Variants in ABCC5 observed in about 807,000 individuals in gnomAD.
ABCC5 encodes the protein ATP-binding cassette sub-family C member 5.
In ABCC5, 61 loss-of-function variants were observed where a neutral mutation model predicts 160.9. The ratio of observed to expected loss-of-function variants is 0.38; its 90% CI spans 0.31 to 0.47. ABCC5 has a LOEUF of 0.47. Among genes scored for constraint, ABCC5 ranks in the 20% least tolerant of loss-of-function variants. The probability of loss-of-function intolerance (pLI) is 0.99; values close to 1 mark genes in which losing one functional copy is unlikely to be tolerated. For missense variants in ABCC5, 1,308 were observed against 1,813.3 expected (o/e 0.72, Z 5.06); for synonymous variants, 666 against 700.6 (o/e 0.95, Z 0.78).
At chr3:183,937,101 G>T (rs981209550) in intron 26 of ABCC5, among the ~76,000 whole-genome samples, 1 of 152,200 alleles carries the variant, frequency 6.6e-6, no homozygotes, top group Non-Finnish European at 1.5e-5. Flanking sequence ...TTTTGGCCAG[G>T]TGCAGTGGCT....
chr3:183,942,552 G>C (rs755605036), intron 25 of ABCC5, 175 bp downstream of exon 25: 2 of 789,276 alleles, frequency 2.5e-6, no homozygotes, highest in Admixed American at 2.0e-5. Flanking sequence ...ACTGTGAAAA[G>C]CACTCAATGT....
Position 183,937,913 on chromosome 3 carries a change from C to A in ABCC5, c.3842G>T (p.Ser1281Ile), listed in dbSNP as rs377607475. The change falls in exon 26 of 30, where the codon AGT (serine) becomes ATT (isoleucine). Residue 1281 changes from serine (S) to isoleucine (I), a missense_variant. Transcript: ENST00000334444. ...CTCAGGTCCTCACCTGACAGTGCCA[C>A]TGAACAGCACCGGCTCTTGAGGAAT... is the stretch of plus-strand genomic sequence containing the variant. ...SIIPQEPVLF[S>I]GTVRSNLDPF... is the part of the protein sequence containing the mutation. The A allele has an allele frequency of 2.0e-5, 33 of 1,614,054 alleles. No individual in the cohort carries two copies. Among genetic ancestry groups the A allele is most frequent in the Admixed American group, 1.2e-4 (7 of 60,004 alleles).
chr3:184,006,919 G>C (rs1264435195), intron 2 of ABCC5, among the ~76,000 whole-genome samples: 1 of 148,128 alleles, frequency 6.8e-6, no homozygotes, highest in Non-Finnish European at 1.5e-5. Context: ...TTGGTAGGAA[G>C]AAAATCCCAC....
At position 183,951,334 on chromosome 3, in the gene ABCC5, G is replaced by A. The variant is rs997390971; in HGVS notation, c.2944+107C>T. ...TGGTGAAAACACCAGCAGTCACTGT[G>A]CTCTCAGGATCTACAGACAGACAGA... On this transcript the variant is annotated intron_variant, in intron 20 of 29. Coordinates refer to ENST00000334444, the MANE Select transcript of ABCC5 (RefSeq NM_005688.4). This position sits in a 1 kb window ranked among gnomAD's most constrained non-coding sequence, Gnocchi z 4.7. 5 of 1,426,100 alleles carry A rather than the reference G, an allele frequency of 3.5e-6. No individual in the cohort carries two copies. Among genetic ancestry groups the A allele is most frequent in the Admixed American group, 4.4e-5 (2 of 45,010 alleles). The allele number at this position is 1,426,100 out of a possible 1,614,324, so 88.3% of individuals were successfully genotyped here. A position where few individuals can be genotyped will look rare whatever the true frequency, so the allele number is the denominator to read the frequency against.
intron 15 of ABCC5, among the ~76,000 whole-genome samples, chr3:183,962,912 C>T (rs1716903051): frequency 6.6e-6 from 1 of 152,188 alleles, no homozygotes; most frequent in South Asian, 2.1e-4. Flanking sequence ...CACAAATATA[C>T]ATAATTATGA....
In ABCC5 at chr3:183,978,589, C is replaced by T; in HGVS notation, c.1210G>A (p.Gly404Ser). The change falls in exon 9 of 30, where the codon GGT (glycine) becomes AGT (serine). Residue 404 changes from glycine (G) to serine (S), a missense_variant. This residue lies in a region of ABCC5 where 1,142 missense variants were observed against 1,527.1 expected (regional missense o/e 0.75). Coordinates refer to ENST00000334444, the MANE Select transcript of ABCC5 (RefSeq NM_005688.4). ...ATCACCACCACAATGGGAGCCACAC[C>T]CACAGTGATGCTCTGGAAGTACCCA... is the stretch of plus-strand genomic sequence containing the variant. Reference protein sequence around the residue: ...KAGYFQSITVGVAPIVVVIAS... With the variant: ...KAGYFQSITVSVAPIVVVIAS... 1 of 1,614,070 alleles carries T rather than the reference C, an allele frequency of 6.2e-7. No homozygotes were observed. Among genetic ancestry groups the T allele is most frequent in the South Asian group, 1.1e-5 (1 of 91,076 alleles).
chr3:183,923,421 G>A (rs921802021), intron 29 of ABCC5, among the ~76,000 whole-genome samples: 1 of 152,138 alleles, frequency 6.6e-6, no homozygotes, highest in Non-Finnish European at 1.5e-5. Flanking sequence ...TCAGAAGTTC[G>A]AGACCAGCCT....
At chr3:183,981,261 G>A (rs766168794) in intron 8 of ABCC5, among the ~76,000 whole-genome samples, 17 of 152,236 alleles carry the variant, frequency 1.1e-4, no homozygotes, top group South Asian at 2.1e-4. Flanking sequence ...GCACTTACAC[G>A]TTTGACAGAG....
intron 25 of ABCC5, chr3:183,942,521 T>C (rs1180564468): frequency 8.5e-6 from 6 of 705,526 alleles, no homozygotes; most frequent in South Asian, 4.5e-5. Flanking sequence ...GTGTTCTGCA[T>C]TGAGAATGTG....
In ABCC5 at chr3:183,971,471, A is replaced by G. The variant is rs1005812997; in HGVS notation, c.1761+92T>C. On this transcript the variant is annotated intron_variant, in intron 11 of 29. Transcript: ENST00000334444. ...TCAAAATCACTCCTAGCCACAAAGCACTTTGTGAAAAGGAACAGCAGCCGC... is the reference window on the plus strand; with the variant it reads ...TCAAAATCACTCCTAGCCACAAAGCGCTTTGTGAAAAGGAACAGCAGCCGC... 7 of 1,217,670 alleles carry G rather than the reference A, an allele frequency of 5.7e-6. No individual in the cohort carries two copies. The Admixed American group carries it at 1.4e-4, about 25-fold the overall frequency. 75.4% of individuals were successfully genotyped at this position (1,217,670 alleles called of 1,614,324 possible).
In ABCC5 at chr3:183,985,616, T is replaced by G. The variant is rs900180813; in HGVS notation, c.591+2154A>C. The G allele has an allele frequency of 6.7e-6, 4 of 594,438 alleles. No homozygotes were observed. The African/African-American group carries it at 7.3e-5, about 11-fold the overall frequency. The allele number at this position is 594,438 out of a possible 1,614,324, so 36.8% of individuals were successfully genotyped here. A position where few individuals can be genotyped will look rare whatever the true frequency, so the allele number is the denominator to read the frequency against. ...AGATCTACAGTGCGATGCTAATTCT[T>G]TATACACAGATCATAGGTGAGGCCT... On this transcript the variant is annotated intron_variant, in intron 5 of 29. Transcript: ENST00000334444.
chr3:183,990,347 C>T (rs1292141631), intron 2 of ABCC5, among the ~76,000 whole-genome samples: 3 of 152,206 alleles, frequency 2.0e-5, no homozygotes, highest in South Asian at 2.1e-4. Context: ...CCTCGTGATC[C>T]GCCCACCTCA....
At chr3:183,966,276 G>A (rs918316398) in intron 12 of ABCC5, among the ~76,000 whole-genome samples, 6 of 152,164 alleles carry the variant, frequency 3.9e-5, no homozygotes, top group African/African-American at 1.2e-4. Flanking sequence ...GTGTACCTAC[G>A]TACACCACAA....
At chr3:184,004,999 C>G (rs572240792) in intron 2 of ABCC5, among the ~76,000 whole-genome samples, 1 of 152,294 alleles carries the variant, frequency 6.6e-6, no homozygotes, top group African/African-American at 2.4e-5. Flanking sequence ...CTGTCAGTGT[C>G]GTGGCGTCTC....
In ABCC5 at chr3:183,988,760, C is replaced by T. The variant is rs775264313; in HGVS notation, c.288-33G>A. ...GAGAAAACCGAAATCACAAAGCTAT[C>T]AACACGCACGGAGAGGGCAGCCCGT... On this transcript the variant is annotated intron_variant, in intron 3 of 29. Coordinates refer to ENST00000334444, the MANE Select transcript of ABCC5 (RefSeq NM_005688.4). This position sits in a 1 kb window ranked among gnomAD's most constrained non-coding sequence, Gnocchi z 4.4. 9.3e-6 allele frequency: 15 copies of T among 1,606,180 alleles called. No homozygotes were observed. In the South Asian group the frequency reaches 1.6e-4, roughly 17 times the overall value.
In ABCC5 at chr3:183,988,805, G is replaced by C. The variant is rs762210336; in HGVS notation, c.288-78C>G. 5.7e-5 allele frequency: 82 copies of C among 1,445,402 alleles called. No homozygotes were observed. Among genetic ancestry groups the C allele is most frequent in the Non-Finnish European group, 7.3e-5 (78 of 1,063,738 alleles). The allele number at this position is 1,445,402 out of a possible 1,614,324, so 89.5% of individuals were successfully genotyped here. Reference sequence around the variant, plus strand: ...GCCCGTGTTTAATGGACACTGTTTAGTGAACACAGCTCTTAGCTAAAGACC... The same window carrying C: ...GCCCGTGTTTAATGGACACTGTTTACTGAACACAGCTCTTAGCTAAAGACC... On this transcript the variant is annotated intron_variant, in intron 3 of 29. Coordinates refer to ENST00000334444, the MANE Select transcript of ABCC5 (RefSeq NM_005688.4). The surrounding 1 kb of genome is among the most constrained non-coding windows in gnomAD (Gnocchi z 4.4).
At chr3:183,933,501 T>C (rs1182676903) in intron 26 of ABCC5, among the ~76,000 whole-genome samples, 1 of 151,962 alleles carries the variant, frequency 6.6e-6, no homozygotes, top group Non-Finnish European at 1.5e-5. Context: ...GCTAGGGCCA[T>C]GAGACAGAGG....
chr3:183,995,857 G>C (rs571884839), intron 2 of ABCC5, among the ~76,000 whole-genome samples: 8 of 152,172 alleles, frequency 5.3e-5, no homozygotes, highest in African/African-American at 1.9e-4. Flanking sequence ...GCCCAGGCTG[G>C]AGTGCAGTGG....
rs1717360498 is a variant in ABCC5 at position 183,967,776 on chromosome 3, GCA to G, written c.1762-12_1762-11del. On this transcript the variant is annotated splice_polypyrimidine_tract_variant and intron_variant, in intron 11 of 29. Coordinates refer to ENST00000334444, the MANE Select transcript of ABCC5 (RefSeq NM_005688.4). ...TTCCAACCAGTTTACCCTGGACAAG[GCA>G]CACAGAGAGGAGGGTCATTTAGAGA... 3 of 1,609,172 alleles carry G rather than the reference GCA, an allele frequency of 1.9e-6. No homozygotes were observed. The highest frequency in any genetic ancestry group is 2.6e-6 in the Non-Finnish European group (3 of 1,175,840).
Sources: allele counts gnomAD v4.1 joint callset (sites outside exome capture counted in the v4.1 genomes callset), GRCh38; gene constraint gnomAD v4.1.1; regional missense constraint gnomAD v4.1.1; non-coding constraint Gnocchi (gnomAD v3.1); transcripts MANE v1.5; gene names NCBI Gene and HGNC (gene_info 2026-07-23, HGNC 2026-07-21).